Variants in PRH1 observed in about 807,000 individuals in gnomAD.
PRH1 encodes the protein proline rich protein HaeIII subfamily 1.
A neutral mutation model predicts 7.9 loss-of-function variants in PRH1; 7 were observed. The ratio of observed to expected loss-of-function variants is 0.89; its 90% CI spans 0.50 to 1.67. The LOEUF is 1.67. PRH1 is among the 40% of genes most tolerant of loss of function. The pLI is 0.00. For synonymous variants in PRH1, 45 were observed against 80.8 expected, an observed-to-expected ratio of 0.56 and a Z score of 2.38; for missense variants, 109 against 223.6, an observed-to-expected ratio of 0.49 and a Z score of 3.27.
chr12:10,959,885 T>G (rs1352429389), intron 2 of PRH1, among the ~76,000 whole-genome samples: 1 of 152,144 alleles, frequency 6.6e-6, no homozygotes, highest in African/African-American at 2.4e-5. Flanking sequence ...CAGTGTGACA[T>G]TTTCAGTTTA....
chr12:10,921,204 G>A (rs1195820195), intron 2 of PRH1, among the ~76,000 whole-genome samples: 1 of 151,880 alleles, frequency 6.6e-6, no homozygotes, highest in Admixed American at 6.6e-5. Flanking sequence ...TAAAATAAAT[G>A]AGAATAAAAC....
chr12:10,890,552 A>G (rs1949556171), intron 2 of PRH1, among the ~76,000 whole-genome samples: 1 of 151,974 alleles, frequency 6.6e-6, no homozygotes, highest in Non-Finnish European at 1.5e-5. Flanking sequence ...TATAGAATGC[A>G]GGAAAAAAGA....
intron 1 of PRH1, among the ~76,000 whole-genome samples, chr12:11,158,456 TTATA>T (rs1033218010): frequency 1.4e-4 from 22 of 152,146 alleles, no homozygotes; most frequent in African/African-American, 3.6e-4. Flanking sequence ...TTCTGTGATT[TTATA>T]TATATTTATT....
At chr12:10,975,986 C>A (rs1404555663) in intron 1 of PRH1, among the ~76,000 whole-genome samples, 4 of 152,084 alleles carry the variant, frequency 2.6e-5, no homozygotes, top group East Asian at 3.8e-4. Flanking sequence ...GAATTCAACA[C>A]CCCACAGACA....
At chr12:11,110,888 G>T (rs1945571032) in intron 1 of PRH1, among the ~76,000 whole-genome samples, 1 of 152,146 alleles carries the variant, frequency 6.6e-6, no homozygotes, top group Non-Finnish European at 1.5e-5. Context: ...ACCCATTGTT[G>T]TGCTGTATTC....
Position 10,894,580 on chromosome 12 carries a change from C to T in PRH1, c.-58-10305G>A, listed in dbSNP as rs536685878. 1.2e-4 allele frequency among the ~76,000 whole-genome samples: 19 copies of T among 152,160 alleles called. No individual in the cohort carries two copies. In the East Asian group the frequency reaches 3.7e-3, roughly 29 times the overall value. On this transcript the variant is annotated intron_variant, in intron 2 of 3. Transcript: ENST00000539853. Reference sequence around the variant, plus strand: ...GTACATATAAATCTGATTTTATATACACTCTATACACATACATAGATATTA... The same window carrying T: ...GTACATATAAATCTGATTTTATATATACTCTATACACATACATAGATATTA...
intron 1 of PRH1, among the ~76,000 whole-genome samples, chr12:11,150,457 T>G (rs943815673): frequency 6.6e-6 from 1 of 152,122 alleles, no homozygotes; most frequent in African/African-American, 2.4e-5. Flanking sequence ...TAAGAAAATG[T>G]GGCACATATA....
chr12:11,147,820 G>A (rs1006227518), intron 1 of PRH1, among the ~76,000 whole-genome samples: 2 of 152,090 alleles, frequency 1.3e-5, no homozygotes, highest in Non-Finnish European at 2.9e-5. Context: ...CCAATTCTGT[G>A]AAGAAAGTCA....
chr12:11,003,721 A>G (rs947854672), intron 1 of PRH1, among the ~76,000 whole-genome samples: 4 of 152,014 alleles, frequency 2.6e-5, no homozygotes, highest in African/African-American at 9.6e-5. Flanking sequence ...TTGCAAAAAT[A>G]CAAAAATATT....
intron 2 of PRH1, among the ~76,000 whole-genome samples, chr12:10,937,202 A>G (rs1253691435): frequency 1.6e-5 from 1 of 62,840 alleles, no homozygotes; most frequent in African/African-American, 5.6e-5. Context: ...TTGCAATTTT[A>G]TTTCTCTCTC....
chr12:10,985,777 T>A, intron 1 of PRH1: 1 of 613,244 alleles, frequency 1.6e-6, no homozygotes, highest in Non-Finnish European at 2.8e-6. Context: ...GATACACTTT[T>A]AGACTAACTT....
chr12:10,882,583 TC>T lies in PRH1; in HGVS notation c.215del (p.Gly72AspfsTer125). ...DGNQDDGPQQ[G>X]PPQQGGQQQQ... ...GCTGCTGGCCTCCTTGTTGGGGTGG[TC>T]CCTGCTGAGGGCCATCATCCTGGTT... On this transcript the variant is annotated frameshift_variant, in exon 3 of 4. Transcript: ENST00000543626. LOFTEE classifies it low-confidence loss of function (END_TRUNC). 1 of 1,606,394 alleles carries T rather than the reference TC, an allele frequency of 6.2e-7. No homozygotes were observed. Among genetic ancestry groups the T allele is most frequent in the South Asian group, 1.1e-5 (1 of 90,308 alleles).
intron 1 of PRH1, among the ~76,000 whole-genome samples, chr12:11,101,585 T>G (rs1440239488): frequency 6.6e-6 from 1 of 152,210 alleles, no homozygotes; most frequent in African/African-American, 2.4e-5. Context: ...TACAATGATA[T>G]CTATAAGAAT....
At chr12:10,945,443 C>A (rs938390299) in intron 2 of PRH1, among the ~76,000 whole-genome samples, 2 of 151,902 alleles carry the variant, frequency 1.3e-5, no homozygotes, top group East Asian at 1.9e-4. Context: ...TCAGTGATGC[C>A]CCCTAAGCCA....
At chr12:11,064,672 CATT>C (rs1167196356) in intron 1 of PRH1, among the ~76,000 whole-genome samples, 2 of 150,120 alleles carry the variant, frequency 1.3e-5, no homozygotes, top group Non-Finnish European at 3.0e-5. Context: ...CCCAACAAGA[CATT>C]ATTATTTTAT....
intron 1 of PRH1, among the ~76,000 whole-genome samples, chr12:11,085,225 T>A (rs73064923): frequency 0.5 from 63,667 of 126,392 alleles, 12,955 homozygotes; most frequent in Non-Finnish European, 0.59. Flanking sequence ...CTTTAACCAA[T>A]CATTATGTCA....
intron 2 of PRH1, among the ~76,000 whole-genome samples, chr12:10,966,461 G>T (rs1281482355): frequency 6.6e-6 from 1 of 152,020 alleles, no homozygotes; most frequent in African/African-American, 2.4e-5. Context: ...TGAGAACATT[G>T]CCTGGCTACT....
chr12:11,167,267 A>C (rs953536067), intron 1 of PRH1, among the ~76,000 whole-genome samples: 2 of 151,766 alleles, frequency 1.3e-5, no homozygotes, highest in African/African-American at 4.8e-5. Context: ...ATTACAGACC[A>C]CTCCTGTGTC....
chr12:10,948,926 T>G (rs1950528716), intron 2 of PRH1, among the ~76,000 whole-genome samples: 1 of 152,160 alleles, frequency 6.6e-6, no homozygotes, highest in South Asian at 2.1e-4. Flanking sequence ...ATCCAGCAGG[T>G]GACACTTATG....
Sources: allele counts gnomAD v4.1 joint callset (sites outside exome capture counted in the v4.1 genomes callset), GRCh38; gene constraint gnomAD v4.1.1; transcripts MANE v1.5; gene names NCBI Gene and HGNC (gene_info 2026-07-23, HGNC 2026-07-21).